Variants in LMBR1 observed in about 807,000 individuals in gnomAD.
LMBR1 encodes limb region 1 protein homolog.
In LMBR1, 52 loss-of-function variants were observed where a neutral mutation model predicts 73.9. The observed-to-expected ratio is 0.70, with a 90% CI of 0.56 to 0.89. The LOEUF (loss-of-function observed/expected upper bound fraction) is 0.89. LMBR1 is among the 40% of genes least tolerant of loss of function. The pLI is 0.00. For missense variants in LMBR1, 539 were observed against 579.8 expected, an observed-to-expected ratio of 0.93 and a Z score of 0.72; for synonymous variants, 215 against 209.4, an observed-to-expected ratio of 1.03 and a Z score of -0.23.
chr7:156,697,545 A>T (rs1204841181), intron 15 of LMBR1, among the ~76,000 whole-genome samples: 1 of 152,164 alleles, frequency 6.6e-6, no homozygotes, highest in Non-Finnish European at 1.5e-5. Flanking sequence ...TCCCCCCAGG[A>T]ATGCATTCTT....
intron 15 of LMBR1, among the ~76,000 whole-genome samples, chr7:156,722,688 C>T (rs1814835586): frequency 6.6e-6 from 1 of 152,094 alleles, no homozygotes; most frequent in Non-Finnish European, 1.5e-5. Flanking sequence ...CATTTGTTAG[C>T]TGCATTTTAA....
chr7:156,880,332 T>A (rs1338844151), intron 1 of LMBR1, among the ~76,000 whole-genome samples: 1 of 152,010 alleles, frequency 6.6e-6, no homozygotes, highest in Admixed American at 6.6e-5. Context: ...CACATGGACT[T>A]TGGGGACTCA....
intron 1 of LMBR1, among the ~76,000 whole-genome samples, chr7:156,864,121 T>G (rs1474081182): frequency 6.6e-6 from 1 of 151,918 alleles, no homozygotes; most frequent in African/African-American, 2.4e-5. Flanking sequence ...GCCACTGCAC[T>G]CCAGCCTGGG....
chr7:156,733,939 A>G (rs1817353204), intron 10 of LMBR1: 2 of 319,152 alleles, frequency 6.3e-6, no homozygotes, highest in Non-Finnish European at 1.2e-5. Context: ...ATGGAGCAAC[A>G]TCTTTGAACC....
intron 5 of LMBR1, among the ~76,000 whole-genome samples, chr7:156,792,354 C>T (rs186046221): frequency 1.3e-5 from 2 of 152,318 alleles, no homozygotes; most frequent in East Asian, 3.9e-4. Context: ...AACGGAGTCA[C>T]TTTCAAATAC....
chr7:156,810,851 C>A (rs1173855393), intron 4 of LMBR1, among the ~76,000 whole-genome samples: 1 of 151,876 alleles, frequency 6.6e-6, no homozygotes, highest in Non-Finnish European at 1.5e-5. Context: ...CTCTGTCACC[C>A]AGGCTGGAGT....
intron 1 of LMBR1, among the ~76,000 whole-genome samples, chr7:156,849,220 GCTGGAGCTAGAGACCA>G (rs1375138200): frequency 6.6e-6 from 1 of 152,162 alleles, no homozygotes; most frequent in African/African-American, 2.4e-5. Flanking sequence ...CATGGATGGA[GCTGGAGCTAGAGACCA>G]TTATCCTAAG....
intron 4 of LMBR1, among the ~76,000 whole-genome samples, chr7:156,815,819 C>T (rs1045770021): frequency 3.9e-5 from 6 of 152,120 alleles, no homozygotes; most frequent in East Asian, 3.9e-4. Context: ...GTCCACTATG[C>T]TTTTATATTC....
intron 1 of LMBR1, among the ~76,000 whole-genome samples, chr7:156,880,001 T>A (rs556773063): frequency 6.6e-6 from 1 of 152,346 alleles, no homozygotes; most frequent in African/African-American, 2.4e-5. Flanking sequence ...CACTACTGGG[T>A]ATCTACCCAG....
At chr7:156,753,841 T>G (rs1290887085) in intron 9 of LMBR1, among the ~76,000 whole-genome samples, 4 of 152,110 alleles carry the variant, frequency 2.6e-5, no homozygotes, top group Non-Finnish European at 5.9e-5. Context: ...AGGGAGGCGC[T>G]GTCTTAGCCA....
At chr7:156,790,320 C>CT (rs1828976052) in intron 5 of LMBR1, among the ~76,000 whole-genome samples, 1 of 151,936 alleles carries the variant, frequency 6.6e-6, no homozygotes, top group South Asian at 2.1e-4. Context: ...CTTTACCAAC[C>CT]TTTTAGGTGA....
chr7:156,764,459 AG>A (rs2132948859), intron 5 of LMBR1, among the ~76,000 whole-genome samples: 1 of 152,312 alleles, frequency 6.6e-6, no homozygotes, highest in African/African-American at 2.4e-5. Flanking sequence ...ACCAAACTAA[AG>A]GCCAGACTTT....
chr7:156,769,609 T>G (rs557120949), intron 5 of LMBR1, among the ~76,000 whole-genome samples: 245 of 152,328 alleles, frequency 1.6e-3, no homozygotes, highest in African/African-American at 5.5e-3. Flanking sequence ...AGTTAGCCTG[T>G]TGCTGTTACA....
At chr7:156,868,989 G>A (rs1459453735) in intron 1 of LMBR1, among the ~76,000 whole-genome samples, 1 of 151,968 alleles carries the variant, frequency 6.6e-6, no homozygotes, top group South Asian at 2.1e-4. Flanking sequence ...AGTAAAAACT[G>A]GCATTGCACA....
At chr7:156,786,413 G>A (rs1436141903) in intron 5 of LMBR1, among the ~76,000 whole-genome samples, 2 of 152,234 alleles carry the variant, frequency 1.3e-5, no homozygotes, top group East Asian at 1.9e-4. Flanking sequence ...TAAGGGTAAC[G>A]TTATTGTATA....
At chr7:156,756,515 G>A in intron 8 of LMBR1, 50 bp from the exon 9 acceptor site, 1 of 865,778 alleles carries the variant, frequency 1.2e-6, no homozygotes, top group Non-Finnish European at 1.9e-6. Context: ...TAAAACGAAT[G>A]CTTATGAGAC....
At chr7:156,806,221 C>T (rs1035531109) in intron 4 of LMBR1, among the ~76,000 whole-genome samples, 23 of 152,170 alleles carry the variant, frequency 1.5e-4, no homozygotes, top group Admixed American at 8.5e-4. Flanking sequence ...CTAAGTATTT[C>T]GTATTTTTGA....
chr7:156,882,811 T>A (rs1427887348), intron 1 of LMBR1, among the ~76,000 whole-genome samples: 1 of 152,148 alleles, frequency 6.6e-6, no homozygotes, highest in African/African-American at 2.4e-5. Context: ...GGCAGGCAGA[T>A]CACGAGGTCA....
intron 4 of LMBR1, among the ~76,000 whole-genome samples, chr7:156,810,819 TG>T (rs746136820): frequency 2.0e-5 from 3 of 151,954 alleles, no homozygotes; most frequent in African/African-American, 4.8e-5. Flanking sequence ...TTTTGTTTTT[TG>T]TTTTTTTACA....
Sources: allele counts gnomAD v4.1 joint callset (sites outside exome capture counted in the v4.1 genomes callset), GRCh38; gene constraint gnomAD v4.1.1; transcripts MANE v1.5; gene names NCBI Gene and HGNC (gene_info 2026-07-23, HGNC 2026-07-21).